The following LRRC49 variants were observed in gnomAD, a reference collection of about 807,000 sequenced individuals.
LRRC49 encodes leucine rich repeat containing 49, also known as leucine-rich repeat-containing protein 49.
Under a neutral mutation model 83.3 loss-of-function variants are expected in LRRC49, and 50 were observed. The observed-to-expected ratio is 0.60, with a 90% confidence interval of 0.48 to 0.76. The LOEUF (loss-of-function observed/expected upper bound fraction) is 0.76. LRRC49 is among the 30% of genes least tolerant of loss of function. LRRC49 has a pLI of 0.00. For synonymous variants in LRRC49, 286 were observed against 283.3 expected (o/e 1.01, Z -0.10); for missense variants, 704 against 809.1 (o/e 0.87, Z 1.58).
At position 70,945,925 on chromosome 15, in the gene LRRC49, T is replaced by C. The variant is rs559491173; in HGVS notation, c.773+9103T>C. 7.9e-5 allele frequency among the ~76,000 whole-genome samples: 12 copies of C among 152,264 alleles called. No homozygotes were observed. In the South Asian group the frequency reaches 1.7e-3, roughly 21 times the overall value. ...AGAACTGTCAACTAGTCTCTGGGCA[T>C]TGTTTGGTTTTGTTTTAAACATTTT... On this transcript the variant is annotated intron_variant, in intron 8 of 15. Coordinates refer to ENST00000260382, the MANE Select transcript of LRRC49 (RefSeq NM_017691.5).
chr15:70,919,026 C>T (rs1325758581), intron 6 of LRRC49, 24 bp from the exon 7 acceptor site: 4 of 1,594,134 alleles, frequency 2.5e-6, no homozygotes, highest in Admixed American at 1.7e-5. Flanking sequence ...CTGCTAATCA[C>T]CCTTCTCCTA....
intron 8 of LRRC49, among the ~76,000 whole-genome samples, chr15:70,950,952 G>T (rs768327234): frequency 6.6e-6 from 1 of 152,154 alleles, no homozygotes; most frequent in South Asian, 2.1e-4. Flanking sequence ...GAGAGGAAGG[G>T]GTCTGGTTTC....
chr15:70,936,838 C>T lies in LRRC49; in HGVS notation c.773+16C>T. 1 of 1,559,550 alleles carries T rather than the reference C, an allele frequency of 6.4e-7. No homozygotes were observed. Among genetic ancestry groups the T allele is most frequent in the East Asian group, 2.2e-5 (1 of 44,592 alleles). On this transcript the variant is annotated intron_variant, in intron 8 of 15. Transcript: ENST00000260382. ...ATATATCTAGGTAAGTGGAAACTCC[C>T]AAGTTGTCATTCATTATAACTTGAT... is the stretch of plus-strand genomic sequence containing the variant.
intron 8 of LRRC49, among the ~76,000 whole-genome samples, chr15:70,953,093 C>G (rs866149009): frequency 2.0e-5 from 3 of 152,144 alleles, no homozygotes; most frequent in Admixed American, 2.0e-4. Flanking sequence ...ACTGGGCACA[C>G]TATCCCTTTT....
chr15:71,022,994 A>G (rs1034852635), intron 14 of LRRC49, among the ~76,000 whole-genome samples: 2 of 152,264 alleles, frequency 1.3e-5, no homozygotes, highest in African/African-American at 4.8e-5. Flanking sequence ...CCTGATTACA[A>G]AATGATAACC....
intron 11 of LRRC49, among the ~76,000 whole-genome samples, chr15:71,005,158 T>C (rs2038413092): frequency 6.6e-6 from 1 of 152,180 alleles, no homozygotes; most frequent in Non-Finnish European, 1.5e-5. Flanking sequence ...AAAGTAGTCA[T>C]TCCTGCGCCC....
chr15:70,914,092 A>G (rs950015767), intron 6 of LRRC49, among the ~76,000 whole-genome samples: 7 of 151,948 alleles, frequency 4.6e-5, no homozygotes, highest in African/African-American at 1.7e-4. Context: ...GTGCAGTACA[A>G]ATGTTCTATA....
intron 7 of LRRC49, among the ~76,000 whole-genome samples, chr15:70,933,767 C>A (rs547557909): frequency 1.8e-4 from 27 of 152,078 alleles, no homozygotes; most frequent in Non-Finnish European, 3.4e-4. Context: ...AATGCAGGGG[C>A]TTAATGAAAA....
chr15:70,893,775 T>C, intron 2 of LRRC49, 135 bp downstream of exon 2: 2 of 670,068 alleles, frequency 3.0e-6, no homozygotes, highest in Non-Finnish European at 5.0e-6. Context: ...AGTTTAAAGC[T>C]AGTTCTTACT....
intron 15 of LRRC49, among the ~76,000 whole-genome samples, chr15:71,039,307 A>G (rs1186295743): frequency 6.6e-6 from 1 of 152,146 alleles, no homozygotes; most frequent in East Asian, 1.9e-4. Context: ...TTTGGCCAAT[A>G]GGGGTTTCCT....
upstream of LRRC49, chr15:70,892,686 T>G: frequency 1.4e-6 from 2 of 1,453,930 alleles, no homozygotes; most frequent in Non-Finnish European, 1.8e-6. Context: ...GAGGAAGTGG[T>G]GACGCACTGG....
At chr15:70,902,815 G>A (rs907234525) in intron 4 of LRRC49, among the ~76,000 whole-genome samples, 1 of 152,192 alleles carries the variant, frequency 6.6e-6, no homozygotes, top group African/African-American at 2.4e-5. Context: ...TATCAGTAAT[G>A]GGGTAGGATG....
At chr15:70,958,624 GA>G (rs2036485538) in intron 8 of LRRC49, among the ~76,000 whole-genome samples, 1 of 152,160 alleles carries the variant, frequency 6.6e-6, no homozygotes, top group Non-Finnish European at 1.5e-5. Context: ...TGCTGGGTAG[GA>G]AAAATTATGT....
intron 1 of LRRC49, among the ~76,000 whole-genome samples, chr15:70,871,322 G>C (rs2141076258): frequency 6.6e-6 from 1 of 152,296 alleles, no homozygotes; most frequent in African/African-American, 2.4e-5. Context: ...TCCTAGTACA[G>C]AACAAAATGG....
At chr15:70,976,236 A>G (rs767445691) in intron 9 of LRRC49, among the ~76,000 whole-genome samples, 8 of 152,236 alleles carry the variant, frequency 5.3e-5, no homozygotes, top group Non-Finnish European at 1.2e-4. Flanking sequence ...GTCAGGTGAC[A>G]TGGCTTCTAA....
At chr15:70,864,093 G>A (rs540996755) in intron 1 of LRRC49, among the ~76,000 whole-genome samples, 126 of 152,314 alleles carry the variant, frequency 8.3e-4, no homozygotes, top group African/African-American at 2.9e-3. Flanking sequence ...CAGACACCAG[G>A]TGGTGACTAG....
chr15:70,965,370 T>C (rs2036758807), intron 9 of LRRC49, among the ~76,000 whole-genome samples: 1 of 152,134 alleles, frequency 6.6e-6, no homozygotes, highest in African/African-American at 2.4e-5. Flanking sequence ...TCACACCACA[T>C]TGAACTTTTA....
At chr15:70,859,906 GGA>G in intron 1 of LRRC49, 1 of 769,184 alleles carries the variant, frequency 1.3e-6, no homozygotes, top group Admixed American at 1.7e-5. Flanking sequence ...TGGAGGGTGA[GGA>G]GAGCCGGCTG....
chr15:70,858,444 A>C (rs2032704295), intron 1 of LRRC49, among the ~76,000 whole-genome samples: 1 of 152,200 alleles, frequency 6.6e-6, no homozygotes, highest in African/African-American at 2.4e-5. Context: ...TCTACTAAAA[A>C]TACAAAAAAA....
Sources: gnomAD v4.1 joint callset for allele counts (sites outside exome capture counted in the v4.1 genomes callset) on GRCh38, gnomAD v4.1.1 for gene constraint, MANE v1.5 for transcripts, NCBI Gene and HGNC (gene_info 2026-07-23, HGNC 2026-07-21) for gene names.